MAPKAP1: variants seen among roughly 807,000 people sequenced by gnomAD.
MAPKAP1 encodes MAPK associated protein 1.
A neutral mutation model predicts 65.7 loss-of-function variants in MAPKAP1; 20 were observed. That is an observed-to-expected ratio of 0.30 (90% confidence interval 0.21 to 0.44). MAPKAP1 has a LOEUF of 0.44. Among genes scored for constraint, MAPKAP1 ranks in the 20% least tolerant of loss-of-function variants. MAPKAP1 has a pLI of 1.00. For missense variants in MAPKAP1, 423 were observed against 648.0 expected, an observed-to-expected ratio of 0.65 and a Z score of 3.77; for synonymous variants, 222 against 244.3, an observed-to-expected ratio of 0.91 and a Z score of 0.85.
rs766024788 is a variant in MAPKAP1, at chr9:125,484,429, G to T, written c.1207+14C>A. 3 of 1,602,490 alleles carry T rather than the reference G, an allele frequency of 1.9e-6. No homozygotes were observed. In the South Asian group the frequency reaches 3.4e-5, roughly 18 times the overall value. On this transcript the variant is annotated intron_variant, in intron 9 of 11. Coordinates refer to ENST00000265960, the MANE Select transcript of MAPKAP1 (RefSeq NM_001006617.3). ...GACACGACAAGCTAGCTCATCACCT[G>T]CTCACACACTTACCTAGCTGTACGT... is the stretch of plus-strand genomic sequence containing the variant.
chr9:125,675,868 G>A (rs181466501), intron 1 of MAPKAP1, among the ~76,000 whole-genome samples: 64 of 152,040 alleles, frequency 4.2e-4, no homozygotes, highest in African/African-American at 1.2e-3. Context: ...TCTTTTTTTC[G>A]TAATACAAGA....
At chr9:125,487,889 C>T (rs1854549436) in intron 8 of MAPKAP1, among the ~76,000 whole-genome samples, 1 of 152,180 alleles carries the variant, frequency 6.6e-6, no homozygotes, top group Non-Finnish European at 1.5e-5. Flanking sequence ...GTCCTAAAAG[C>T]TCAAACAAGT....
chr9:125,687,002 G>C (rs563712129), intron 1 of MAPKAP1, among the ~76,000 whole-genome samples: 1 of 151,708 alleles, frequency 6.6e-6, no homozygotes, highest in African/African-American at 2.4e-5. Flanking sequence ...ATTTTTCTAT[G>C]TTTAGTAGAG....
At chr9:125,507,293 C>T (rs1829169773) in intron 7 of MAPKAP1, among the ~76,000 whole-genome samples, 1 of 152,166 alleles carries the variant, frequency 6.6e-6, no homozygotes, top group Non-Finnish European at 1.5e-5. Context: ...CAAAAGACTG[C>T]TCCTGTGATC....
chr9:125,475,130 T>C lies in MAPKAP1; in HGVS notation c.1208-7021A>G, dbSNP rs138880965. ...GGTTTTCATTCTCCATATGAAAAAATTGAGGCTCAGGGCTGGGACATGACT... is the reference window on the plus strand; with the variant it reads ...GGTTTTCATTCTCCATATGAAAAAACTGAGGCTCAGGGCTGGGACATGACT... On this transcript the variant is annotated intron_variant, in intron 9 of 11. Transcript: ENST00000265960. 4.5e-3 allele frequency among the ~76,000 whole-genome samples: 687 copies of C among 152,198 alleles called. 4 individuals are homozygous for C. The highest frequency in any genetic ancestry group is 0.016 in the African/African-American group (645 of 41,504).
chr9:125,672,973 T>C (rs1375470967), intron 1 of MAPKAP1, among the ~76,000 whole-genome samples: 1 of 152,200 alleles, frequency 6.6e-6, no homozygotes, highest in Non-Finnish European at 1.5e-5. Context: ...CCCTTCACTA[T>C]CATGCAATCT....
At chr9:125,541,738 T>C (rs1469270632) in intron 7 of MAPKAP1, among the ~76,000 whole-genome samples, 2 of 152,206 alleles carry the variant, frequency 1.3e-5, no homozygotes, top group East Asian at 1.9e-4. Context: ...ACACCATTCA[T>C]CCCAGCTAAC....
At chr9:125,516,766 C>T (rs187552818) in intron 7 of MAPKAP1, among the ~76,000 whole-genome samples, 1 of 152,336 alleles carries the variant, frequency 6.6e-6, no homozygotes, top group Admixed American at 6.5e-5. Context: ...GTTAGTGGAT[C>T]TAAACCTTCA....
At chr9:125,612,782 G>A (rs781314854) in intron 4 of MAPKAP1, among the ~76,000 whole-genome samples, 1 of 152,206 alleles carries the variant, frequency 6.6e-6, no homozygotes, top group Non-Finnish European at 1.5e-5. Flanking sequence ...CTCATGCCAA[G>A]GGACATCAGG....
intron 4 of MAPKAP1, among the ~76,000 whole-genome samples, chr9:125,635,656 T>TA (rs1833402784): frequency 6.6e-6 from 1 of 152,132 alleles, no homozygotes; most frequent in Admixed American, 6.5e-5. Flanking sequence ...CAAAAGCAGG[T>TA]AAAAAAGCAG....
At chr9:125,590,816 C>G (rs1028651359) in intron 4 of MAPKAP1, among the ~76,000 whole-genome samples, 5 of 151,894 alleles carry the variant, frequency 3.3e-5, no homozygotes, top group African/African-American at 1.2e-4. Context: ...CTCTGCTGCC[C>G]AAACTGGAGT....
chr9:125,686,914 C>T (rs1160280590), intron 1 of MAPKAP1, among the ~76,000 whole-genome samples: 1 of 151,820 alleles, frequency 6.6e-6, no homozygotes, highest in Non-Finnish European at 1.5e-5. Context: ...GCAACCTCTG[C>T]CTCCCACGTT....
chr9:125,641,110 T>C (rs1016140121), intron 4 of MAPKAP1, among the ~76,000 whole-genome samples: 3 of 152,212 alleles, frequency 2.0e-5, no homozygotes, highest in Admixed American at 1.3e-4. Flanking sequence ...AGATGCTGTG[T>C]AGATTAGATG....
intron 5 of MAPKAP1, among the ~76,000 whole-genome samples, chr9:125,579,187 CG>C (rs1295253953): frequency 1.3e-5 from 2 of 152,316 alleles, no homozygotes; most frequent in East Asian, 1.9e-4. Context: ...AGTTAACAGA[CG>C]TAAGTGTAAA....
At chr9:125,656,016 T>C (rs1240398387) in intron 4 of MAPKAP1, among the ~76,000 whole-genome samples, 1 of 152,198 alleles carries the variant, frequency 6.6e-6, no homozygotes, top group Non-Finnish European at 1.5e-5. Flanking sequence ...CCTAAGTAAT[T>C]AACAATAAAG....
At chr9:125,603,266 A>C (rs1832355499) in intron 4 of MAPKAP1, among the ~76,000 whole-genome samples, 1 of 152,124 alleles carries the variant, frequency 6.6e-6, no homozygotes, top group Non-Finnish European at 1.5e-5. Context: ...GGCCACAGAC[A>C]ATCTGTACTC....
At chr9:125,575,571 AAAG>A (rs1831368590) in intron 5 of MAPKAP1, among the ~76,000 whole-genome samples, 1 of 152,262 alleles carries the variant, frequency 6.6e-6, no homozygotes, top group Admixed American at 6.5e-5. Context: ...ACAGCTCACC[AAAG>A]AAGACAAACG....
chr9:125,676,676 T>C (rs137900267), intron 1 of MAPKAP1, among the ~76,000 whole-genome samples: 2 of 152,322 alleles, frequency 1.3e-5, no homozygotes, highest in East Asian at 1.9e-4. Flanking sequence ...GGAAAAGTTA[T>C]GGAAATGGAC....
At chr9:125,626,043 ATTTTAT>A (rs1305058067) in intron 4 of MAPKAP1, among the ~76,000 whole-genome samples, 2 of 152,198 alleles carry the variant, frequency 1.3e-5, no homozygotes, top group Admixed American at 6.5e-5. Flanking sequence ...GAACGTCTAC[ATTTTAT>A]TTTTAAGAAA....
Sources: allele counts gnomAD v4.1 joint callset (sites outside exome capture counted in the v4.1 genomes callset), GRCh38; gene constraint gnomAD v4.1.1; transcripts MANE v1.5; gene names NCBI Gene and HGNC (gene_info 2026-07-23, HGNC 2026-07-21).